KIRREL3: variants seen among roughly 807,000 people sequenced by gnomAD.
KIRREL3 encodes kirre like nephrin family adhesion molecule 3, also known as kin of IRRE-like protein 3.
KIRREL3 carries 36 observed loss-of-function variants against 89.7 expected under a neutral mutation model. The ratio of observed to expected loss-of-function variants is 0.40; its 90% CI spans 0.31 to 0.53. The LOEUF (loss-of-function observed/expected upper bound fraction) is 0.53. Among genes scored for constraint, KIRREL3 ranks in the 20% least tolerant of loss-of-function variants. KIRREL3 has a pLI of 0.49. For missense variants in KIRREL3, 864 were observed against 1,056.6 expected (o/e 0.82, Z 2.53); for synonymous variants, 445 against 441.4 (o/e 1.01, Z -0.10).
chr11:126,740,673 C>T lies in KIRREL3; in HGVS notation c.56-177761G>A, dbSNP rs7126967. ...CAAGGGGGAGGTGCTAGTAGAGGGG[C>T]TCTAGTAGGGTGTCTTGATGGGGCA... is the stretch of plus-strand genomic sequence containing the variant. On this transcript the variant is annotated intron_variant, in intron 1 of 16. Coordinates refer to ENST00000525144, the MANE Select transcript of KIRREL3 (RefSeq NM_032531.4). This position sits in a 1 kb window ranked among gnomAD's most constrained non-coding sequence, Gnocchi z 6.0. Among the ~76,000 whole-genome samples, 59,505 of 151,772 alleles carry T rather than the reference C, an allele frequency of 0.39. 12,698 individuals carry two copies. The highest frequency in any genetic ancestry group is 0.82 in the East Asian group (4,219 of 5,162).
chr11:126,457,410 C>T (rs570426513), intron 6 of KIRREL3, among the ~76,000 whole-genome samples: 117 of 138,774 alleles, frequency 8.4e-4, no homozygotes, highest in Non-Finnish European at 1.5e-3. Context: ...TGTGTATGCA[C>T]GTGTGTATGT....
chr11:126,982,823 A>C (rs1949754542), intron 1 of KIRREL3, among the ~76,000 whole-genome samples: 1 of 152,228 alleles, frequency 6.6e-6, no homozygotes, highest in South Asian at 2.1e-4. Context: ...GTTGTTGCTC[A>C]TCTCTATTTC....
intron 1 of KIRREL3, among the ~76,000 whole-genome samples, chr11:126,902,031 C>T (rs1485467375): frequency 2.0e-5 from 3 of 152,180 alleles, no homozygotes; most frequent in Non-Finnish European, 2.9e-5. Flanking sequence ...AGGAGAATGA[C>T]TAACACCCCC....
rs1270800930 is a variant in KIRREL3 at position 126,473,397 on chromosome 11, A to G, written c.503T>C (p.Leu168Pro). 2 of 1,581,682 alleles carry G rather than the reference A, an allele frequency of 1.3e-6. No homozygotes were observed. Among genetic ancestry groups the G allele is most frequent in the Non-Finnish European group, 1.7e-6 (2 of 1,164,614 alleles). Residue 168 changes from leucine to proline, a missense_variant, in exon 5 of 17, where the codon CTC (leucine) becomes CCC (proline). Coordinates refer to ENST00000525144, the MANE Select transcript of KIRREL3 (RefSeq NM_032531.4). ...ISLRAGDPLN[L>P]TCHADNAKPA... is the part of the protein sequence containing the mutation. ...CTTGGCATTGTCTGCGTGGCAGGTG[A>G]GGTTGAGAGGGTCCCCCGCACGCAG...
chr11:126,439,925 T>C (rs933469148), intron 11 of KIRREL3, among the ~76,000 whole-genome samples: 1 of 151,934 alleles, frequency 6.6e-6, no homozygotes, highest in Non-Finnish European at 1.5e-5. Flanking sequence ...CTTAGCTGCA[T>C]TGCAGGGATA....
Position 126,443,813 on chromosome 11 carries a change from A to G in KIRREL3, c.1252+1166T>C, listed in dbSNP as rs34899828. 0.07 allele frequency among the ~76,000 whole-genome samples: 10,585 copies of G among 152,098 alleles called. 416 individuals carry two copies. The highest frequency in any genetic ancestry group is 0.099 in the African/African-American group (4,093 of 41,490). The stretch of plus-strand genomic sequence containing the variant: ...GGGGCCAGGACCCAGATGTCCTGCA[A>G]ATGTTGGTGGTTCAGTTCCTGCAGG... On this transcript the variant is annotated intron_variant, in intron 10 of 16. Transcript: ENST00000525144. This position sits in a 1 kb window ranked among gnomAD's most constrained non-coding sequence, Gnocchi z 7.3.
chr11:126,526,713 C>A lies in KIRREL3; in HGVS notation c.134-26G>T. 1 of 1,546,376 alleles carries A rather than the reference C, an allele frequency of 6.5e-7. No individual in the cohort carries two copies. The highest frequency in any genetic ancestry group is 8.8e-7 in the Non-Finnish European group (1 of 1,142,234). ...CTGGGAAGGAGACAAACACAATGGT[C>A]AGTTATCTGCCGGCTACAGGGGCGA... On this transcript the variant is annotated intron_variant, in intron 2 of 16. Transcript: ENST00000525144. The surrounding 1 kb of genome is among the most constrained non-coding windows in gnomAD (Gnocchi z 5.7).
chr11:126,809,100 T>C (rs1951297354), intron 1 of KIRREL3, among the ~76,000 whole-genome samples: 1 of 152,150 alleles, frequency 6.6e-6, no homozygotes, highest in African/African-American at 2.4e-5. Flanking sequence ...TCAGCAGTCA[T>C]GAGCAACCCT....
chr11:126,930,061 A>G (rs916346030), intron 1 of KIRREL3, among the ~76,000 whole-genome samples: 2 of 272 alleles, frequency 7.4e-3, no homozygotes, highest in Non-Finnish European at 0.017. Context: ...TGCTTTCAGC[A>G]TAATTATTTG....
rs1951405916 is a variant in KIRREL3 at position 126,811,985 on chromosome 11, G to A, written c.55+188470C>T. ...TCAGCCCTCCCCGTCCCCCAGCACTGGTATTGACATACTGCAGACCTTCTA... is the reference window on the plus strand; with the variant it reads ...TCAGCCCTCCCCGTCCCCCAGCACTAGTATTGACATACTGCAGACCTTCTA... On this transcript the variant is annotated intron_variant, in intron 1 of 16. Transcript: ENST00000525144. This position sits in a 1 kb window ranked among gnomAD's most constrained non-coding sequence, Gnocchi z 4.3. 6.6e-6 allele frequency among the ~76,000 whole-genome samples: 1 copy of A among 152,098 alleles called. No individual in the cohort carries two copies. Among genetic ancestry groups the A allele is most frequent in the Admixed American group, 6.6e-5 (1 of 15,266 alleles).
chr11:126,982,365 T>C (rs2135250668), intron 1 of KIRREL3, among the ~76,000 whole-genome samples: 1 of 152,334 alleles, frequency 6.6e-6, no homozygotes, highest in Admixed American at 6.5e-5. Context: ...CCTTCAGGCC[T>C]AACAGCCTCA....
Position 126,953,168 on chromosome 11 carries a change from T to G in KIRREL3, c.55+47287A>C, listed in dbSNP as rs1032307469. 7.9e-5 allele frequency among the ~76,000 whole-genome samples: 12 copies of G among 151,938 alleles called. No homozygotes were observed. Among genetic ancestry groups the G allele is most frequent in the Non-Finnish European group, 1.5e-4 (10 of 68,004 alleles). ...CTATGCAGCCATAAAAAAGAATGAG[T>G]TCATGTCCTTTGCAGGGATATGGAT... On this transcript the variant is annotated intron_variant, in intron 1 of 16. Coordinates refer to ENST00000525144, the MANE Select transcript of KIRREL3 (RefSeq NM_032531.4). This position sits in a 1 kb window ranked among gnomAD's most constrained non-coding sequence, Gnocchi z 5.2.
intron 1 of KIRREL3, among the ~76,000 whole-genome samples, chr11:126,835,251 A>T (rs551709095): frequency 6.6e-6 from 1 of 152,370 alleles, no homozygotes; most frequent in Non-Finnish European, 1.5e-5. Context: ...ATGCCCAAGA[A>T]GGTATGTGGC....
chr11:126,768,059 T>C lies in KIRREL3; in HGVS notation c.56-205147A>G, dbSNP rs1284933794. ...TCTCTCCATCCTCAAAATTTTATGA[T>C]TCCTCTTATCAGCCATTTCTGGCAA... On this transcript the variant is annotated intron_variant, in intron 1 of 16. Coordinates refer to ENST00000525144, the MANE Select transcript of KIRREL3 (RefSeq NM_032531.4). The surrounding 1 kb of genome is among the most constrained non-coding windows in gnomAD (Gnocchi z 4.5). 1.3e-5 allele frequency among the ~76,000 whole-genome samples: 2 copies of C among 152,202 alleles called. No individual in the cohort carries two copies. Among genetic ancestry groups the C allele is most frequent in the East Asian group, 3.8e-4 (2 of 5,196 alleles).
rs1951424062 is a variant in KIRREL3, at chr11:126,812,491, C to A, written c.55+187964G>T. 1.3e-5 allele frequency among the ~76,000 whole-genome samples: 2 copies of A among 152,154 alleles called. No homozygotes were observed. The highest frequency in any genetic ancestry group is 1.9e-4 in the East Asian group (1 of 5,198). On this transcript the variant is annotated intron_variant, in intron 1 of 16. Coordinates refer to ENST00000525144, the MANE Select transcript of KIRREL3 (RefSeq NM_032531.4). The surrounding 1 kb of genome is among the most constrained non-coding windows in gnomAD (Gnocchi z 5.2). The stretch of plus-strand genomic sequence containing the variant: ...CCCTGAGCATCTTTCCCATGAAAGG[C>A]AAGACAGATGCACACGAGTCAGTTC...
At position 126,768,095 on chromosome 11, in the gene KIRREL3, T is replaced by C. The variant is rs1283718969; in HGVS notation, c.56-205183A>G. Among the ~76,000 whole-genome samples the C allele has an allele frequency of 6.6e-6, 1 of 152,208 alleles. No homozygotes were observed. Among genetic ancestry groups the C allele is most frequent in the Admixed American group, 6.5e-5 (1 of 15,284 alleles). On this transcript the variant is annotated intron_variant, in intron 1 of 16. Transcript: ENST00000525144. This position sits in a 1 kb window ranked among gnomAD's most constrained non-coding sequence, Gnocchi z 4.5. ...AGCCATTTCTGGCAACTGTCATTCA[T>C]TATTTCATCCATCTGTCCATCCATC...
At chr11:126,741,300 T>A (rs1948975284) in intron 1 of KIRREL3, among the ~76,000 whole-genome samples, 1 of 152,216 alleles carries the variant, frequency 6.6e-6, no homozygotes, top group Non-Finnish European at 1.5e-5. Flanking sequence ...AATATGCATA[T>A]AATTTTAATG....
upstream of KIRREL3, chr11:127,000,794 G>A (rs1270142710): frequency 2.0e-6 from 1 of 491,400 alleles, no homozygotes; most frequent in Non-Finnish European, 3.6e-6. The surrounding 1 kb of genome is among the most constrained non-coding windows in gnomAD (Gnocchi z 7.1). Flanking sequence ...CCAGGCACAC[G>A]GCTTCCTCAG....
intron 1 of KIRREL3, among the ~76,000 whole-genome samples, chr11:126,597,741 G>A (rs1240622323): frequency 2.0e-5 from 3 of 152,212 alleles, no homozygotes; most frequent in African/African-American, 7.2e-5. Context: ...CGGAATAAAA[G>A]TTGATAGCAA....
Sources: gnomAD v4.1 joint callset for allele counts (sites outside exome capture counted in the v4.1 genomes callset) on GRCh38, gnomAD v4.1.1 for gene constraint, Gnocchi (gnomAD v3.1) non-coding constraint, MANE v1.5 for transcripts, NCBI Gene and HGNC (gene_info 2026-07-23, HGNC 2026-07-21) for gene names.